The following DOCK4 variants were observed in gnomAD, a reference collection of about 807,000 sequenced individuals.
DOCK4 encodes dedicator of cytokinesis 4, also known as dedicator of cytokinesis protein 4.
Under a neutral mutation model 268.1 loss-of-function variants are expected in DOCK4, and 97 were observed. The ratio of observed to expected loss-of-function variants is 0.36; its 90% CI spans 0.31 to 0.43. DOCK4 has a LOEUF of 0.43. DOCK4 is among the 20% of genes least tolerant of loss of function. The pLI, the probability that DOCK4 is intolerant of heterozygous loss-of-function variation, is 1.00. For missense variants in DOCK4, 2,145 were observed against 2,455.7 expected (o/e 0.87, Z 2.67); for synonymous variants, 954 against 887.2 (o/e 1.08, Z -1.34).
At chr7:111,828,906 A>ATATG (rs1400902405) in intron 26 of DOCK4, among the ~76,000 whole-genome samples, 1 of 145,280 alleles carries the variant, frequency 6.9e-6, no homozygotes, top group African/African-American at 2.6e-5. Flanking sequence ...ATATATATAT[A>ATATG]TGTATATATA....
rs556389747 is a variant in DOCK4, at chr7:111,952,130, A to C, written c.702-6332T>G. ...AAATCAACCAAATAAATGAATAAAC[A>C]AACAAAACTGCATGAAGCCAAATGA... is the stretch of plus-strand genomic sequence containing the variant. On this transcript the variant is annotated intron_variant, in intron 8 of 52. Coordinates refer to ENST00000428084, the MANE Select transcript of DOCK4 (RefSeq NM_001363540.2). Among the ~76,000 whole-genome samples the C allele has an allele frequency of 1.1e-4, 17 of 152,152 alleles. No homozygotes were observed. The East Asian group carries it at 3.3e-3, about 29-fold the overall frequency.
At chr7:111,735,409 C>T (rs1795406289) in intron 50 of DOCK4, among the ~76,000 whole-genome samples, 2 of 152,338 alleles carry the variant, frequency 1.3e-5, no homozygotes, top group Admixed American at 1.3e-4. Flanking sequence ...AACTACAAAT[C>T]TTTACACTGG....
At chr7:112,188,055 TAG>T (rs992867559) in intron 1 of DOCK4, among the ~76,000 whole-genome samples, 1 of 152,176 alleles carries the variant, frequency 6.6e-6, no homozygotes, top group African/African-American at 2.4e-5. Context: ...CTTAGGGAAG[TAG>T]AGTGGTTTTA....
At chr7:111,986,003 C>G (rs147334147) in intron 6 of DOCK4, among the ~76,000 whole-genome samples, 2 of 152,306 alleles carry the variant, frequency 1.3e-5, no homozygotes, top group South Asian at 2.1e-4. Context: ...AGAAGCTGCT[C>G]TATCCACTTT....
chr7:112,186,604 T>C (rs1406406400), intron 1 of DOCK4, among the ~76,000 whole-genome samples: 1 of 152,232 alleles, frequency 6.6e-6, no homozygotes. Context: ...GTACTGCTTA[T>C]AGTAGTCTGT....
chr7:111,782,810 GA>G lies in DOCK4; in HGVS notation c.3585+53del, dbSNP rs1287630268. ...CACAAACAAAACATAGTATTTCTGG[GA>G]AAAAAATACAAGTATTAGGAGAAAA... On this transcript the variant is annotated intron_variant, in intron 35 of 52. Transcript: ENST00000428084. 31 of 1,537,074 alleles carry G rather than the reference GA, an allele frequency of 2.0e-5. No individual in the cohort carries two copies. In the African/African-American group the frequency reaches 2.6e-4, roughly 13 times the overall value.
chr7:112,054,069 C>G (rs58373588), intron 1 of DOCK4, among the ~76,000 whole-genome samples: 15,842 of 152,202 alleles, frequency 0.1, 1,265 homozygotes, highest in East Asian at 0.4. Context: ...CGCTGGTAAT[C>G]ACAGCACTTT....
At chr7:112,143,642 C>T (rs999481209) in intron 1 of DOCK4, among the ~76,000 whole-genome samples, 8 of 152,204 alleles carry the variant, frequency 5.3e-5, no homozygotes, top group Non-Finnish European at 1.0e-4. Flanking sequence ...ATTCAAGCAT[C>T]TATTCTTTGT....
chr7:111,951,439 T>G (rs1796037621), intron 8 of DOCK4, among the ~76,000 whole-genome samples: 1 of 152,000 alleles, frequency 6.6e-6, no homozygotes, highest in African/African-American at 2.4e-5. Flanking sequence ...GATATTAAAT[T>G]CCAGAGTCTG....
intron 50 of DOCK4, among the ~76,000 whole-genome samples, chr7:111,735,444 A>C (rs1343455622): frequency 6.6e-6 from 1 of 152,188 alleles, no homozygotes; most frequent in Non-Finnish European, 1.5e-5. Context: ...TGAGAATTAC[A>C]AATGTGTTTA....
intron 39 of DOCK4, 71 bp from the exon 40 acceptor site, chr7:111,760,393 G>A: frequency 6.0e-6 from 9 of 1,494,068 alleles, no homozygotes; most frequent in Non-Finnish European, 8.2e-6. Context: ...CAAAAAACAT[G>A]ACACTGGCAG....
At chr7:111,758,139 T>C (rs1288883415) in intron 41 of DOCK4, among the ~76,000 whole-genome samples, 1 of 152,218 alleles carries the variant, frequency 6.6e-6, no homozygotes, top group Non-Finnish European at 1.5e-5. Flanking sequence ...GCAGCAAAGA[T>C]GGCACATAAC....
chr7:112,099,019 G>A (rs905676707), intron 1 of DOCK4, among the ~76,000 whole-genome samples: 1 of 152,168 alleles, frequency 6.6e-6, no homozygotes, highest in Middle Eastern at 3.2e-3. Flanking sequence ...GCCAGGTGTG[G>A]TAGGTCAGCC....
chr7:111,813,058 T>G (rs1337701064), intron 27 of DOCK4, among the ~76,000 whole-genome samples: 1 of 152,222 alleles, frequency 6.6e-6, no homozygotes, highest in Non-Finnish European at 1.5e-5. Flanking sequence ...ATTGGTTCAC[T>G]TAATGTTTAA....
chr7:112,052,165 G>C (rs971543591), intron 1 of DOCK4, among the ~76,000 whole-genome samples: 4 of 152,054 alleles, frequency 2.6e-5, no homozygotes, highest in Non-Finnish European at 5.9e-5. Flanking sequence ...GGAATAATGA[G>C]AAGAAAAAAG....
intron 1 of DOCK4, among the ~76,000 whole-genome samples, chr7:112,166,545 C>G (rs563341694): frequency 6.6e-6 from 1 of 152,248 alleles, no homozygotes; most frequent in Admixed American, 6.5e-5. Flanking sequence ...ACCTTCAGAG[C>G]CTACAGTGAA....
chr7:112,194,069 T>C (rs1241392037), intron 1 of DOCK4, among the ~76,000 whole-genome samples: 1 of 152,150 alleles, frequency 6.6e-6, no homozygotes, highest in East Asian at 1.9e-4. Flanking sequence ...TATATCCATA[T>C]TGGGAGTTAG....
chr7:111,736,575 C>T (rs11767617), intron 50 of DOCK4, among the ~76,000 whole-genome samples: 145,706 of 152,250 alleles, frequency 0.96, 69,754 homozygotes, highest in Middle Eastern at 0.98. Context: ...CGAATCGATC[C>T]GGGTGAAGCT....
intron 1 of DOCK4, among the ~76,000 whole-genome samples, chr7:112,008,823 G>A (rs911462294): frequency 2.6e-5 from 4 of 152,202 alleles, no homozygotes; most frequent in East Asian, 1.9e-4. Context: ...GCGAAACCCC[G>A]TCTCTACTAA....
Sources: gnomAD v4.1 joint callset for allele counts (sites outside exome capture counted in the v4.1 genomes callset) on GRCh38, gnomAD v4.1.1 for gene constraint, MANE v1.5 for transcripts, NCBI Gene and HGNC (gene_info 2026-07-23, HGNC 2026-07-21) for gene names.